C9orf153: variants seen among roughly 807,000 people sequenced by gnomAD.
C9orf153 encodes the protein uncharacterized protein C9orf153.
C9orf153 carries 10 observed loss-of-function variants against 9.0 expected under a neutral mutation model. That is an observed-to-expected ratio of 1.11 (90% confidence interval 0.69 to 1.89). The LOEUF is 1.89. Among genes scored for constraint, C9orf153 ranks in the 40% most tolerant of loss-of-function variants. The probability of loss-of-function intolerance (pLI) is 0.00; values close to 1 mark genes in which losing one functional copy is unlikely to be tolerated. For synonymous variants in C9orf153, 35 were observed against 37.3 expected (o/e 0.94, Z 0.23); for missense variants, 108 against 111.0 (o/e 0.97, Z 0.12).
At chr9:86,247,572 T>C (rs544939172) in intron 1 of C9orf153, among the ~76,000 whole-genome samples, 66 of 152,150 alleles carry the variant, frequency 4.3e-4, no homozygotes, top group East Asian at 3.9e-4. Context: ...CCCAGCTACA[T>C]GTGAGGCTAA....
intron 1 of C9orf153, among the ~76,000 whole-genome samples, chr9:86,232,480 G>C (rs1289646608): frequency 6.6e-6 from 1 of 152,116 alleles, no homozygotes; most frequent in Admixed American, 6.5e-5. Context: ...TGAAGCTTTT[G>C]CAGGGGACTG....
At chr9:86,224,124 C>T (rs1007524352) in intron 3 of C9orf153, among the ~76,000 whole-genome samples, 6 of 152,104 alleles carry the variant, frequency 3.9e-5, no homozygotes, top group Admixed American at 1.3e-4. Flanking sequence ...CAGTGGCTCA[C>T]GCCTGTAATC....
chr9:86,255,235 A>G (rs2131210224), intron 1 of C9orf153, among the ~76,000 whole-genome samples: 1 of 152,264 alleles, frequency 6.6e-6, no homozygotes, highest in East Asian at 1.9e-4. Flanking sequence ...GGCTTTTAAT[A>G]TGTGAAAGTT....
At chr9:86,242,802 C>T (rs1326597875) in intron 1 of C9orf153, among the ~76,000 whole-genome samples, 2 of 152,076 alleles carry the variant, frequency 1.3e-5, no homozygotes, top group Non-Finnish European at 2.9e-5. Context: ...CCTCAGTCTC[C>T]TGAGTAGCTG....
intron 3 of C9orf153, among the ~76,000 whole-genome samples, chr9:86,223,889 G>GTC (rs1824260154): frequency 6.6e-6 from 1 of 152,170 alleles, no homozygotes; most frequent in African/African-American, 2.4e-5. Flanking sequence ...ACAGAGAGTG[G>GTC]AATCACGGTC....
intron 3 of C9orf153, among the ~76,000 whole-genome samples, chr9:86,222,848 G>A (rs1824237087): frequency 6.6e-6 from 1 of 152,156 alleles, no homozygotes; most frequent in Admixed American, 6.5e-5. Context: ...TGTCCCACAT[G>A]TGGTGACATT....
intron 1 of C9orf153, among the ~76,000 whole-genome samples, chr9:86,242,981 G>A (rs1036186693): frequency 7.2e-5 from 11 of 152,124 alleles, no homozygotes; most frequent in South Asian, 2.1e-4. Context: ...GCCCAGCCCC[G>A]CAGGCCACTT....
In C9orf153 at chr9:86,228,060, C is replaced by G. The variant is rs569742966; in HGVS notation, c.67-30G>C. On this transcript the variant is annotated intron_variant, in intron 2 of 3. Coordinates refer to ENST00000339137, the MANE Select transcript of C9orf153 (RefSeq NM_001276366.4). ...GGACAAAAAAAAAAGTGGTAAGTCA[C>G]GAGACTGACAAAAATGTAATATTCT... 14 of 1,506,516 alleles carry G rather than the reference C, an allele frequency of 9.3e-6. No individual in the cohort carries two copies. The East Asian group carries it at 2.3e-4, about 25-fold the overall frequency. 93.3% of individuals were successfully genotyped at this position (1,506,516 alleles called of 1,614,324 possible). A position where few individuals can be genotyped will look rare whatever the true frequency, so the allele number is the denominator to read the frequency against.
At chr9:86,245,393 C>T (rs1180303109) in intron 1 of C9orf153, among the ~76,000 whole-genome samples, 1 of 152,064 alleles carries the variant, frequency 6.6e-6, no homozygotes, top group Non-Finnish European at 1.5e-5. Flanking sequence ...AACCTTATAC[C>T]CACTGAAAAA....
chr9:86,254,418 G>A (rs1024172031), intron 1 of C9orf153, among the ~76,000 whole-genome samples: 3 of 152,056 alleles, frequency 2.0e-5, no homozygotes, highest in Admixed American at 2.0e-4. Context: ...TAAACAATCT[G>A]GTATAAACTT....
At chr9:86,233,664 G>T (rs1227602465) in intron 1 of C9orf153, among the ~76,000 whole-genome samples, 1 of 151,320 alleles carries the variant, frequency 6.6e-6, no homozygotes, top group Admixed American at 6.6e-5. Context: ...TGATCCACCT[G>T]CCCTGGCCTC....
intron 1 of C9orf153, among the ~76,000 whole-genome samples, chr9:86,249,663 C>T (rs1315771553): frequency 2.0e-5 from 3 of 152,050 alleles, no homozygotes; most frequent in Non-Finnish European, 4.4e-5. Flanking sequence ...ATTCTTCTGC[C>T]TCAGCCTCCT....
At chr9:86,254,270 C>T (rs748432075) in intron 1 of C9orf153, among the ~76,000 whole-genome samples, 12 of 152,064 alleles carry the variant, frequency 7.9e-5, no homozygotes, top group Non-Finnish European at 1.2e-4. Context: ...TATTTGCCTC[C>T]GGTTTGGACT....
At chr9:86,221,850 C>A (rs1388988009) in intron 3 of C9orf153, 117 bp from the exon 4 acceptor site, 4 of 560,724 alleles carry the variant, frequency 7.1e-6, no homozygotes, top group Non-Finnish European at 1.2e-5. Flanking sequence ...CTCTTTCTGG[C>A]AGAAAGCCAT....
chr9:86,221,143 T>A lies in C9orf153; in HGVS notation c.*545A>T, dbSNP rs1824191451. 6.6e-6 allele frequency: 1 copy of A among 150,470 alleles called. No homozygotes were observed. The highest frequency in any genetic ancestry group is 2.5e-5 in the African/African-American group (1 of 39,756). The allele number at this position is 150,470 out of a possible 1,614,324, so 9.3% of individuals were successfully genotyped here. ...ATCTCTATATGCTCAGATGTTAATTTGTTTGTTGAATGTACCAAATACTTT... is the reference window on the plus strand; with the variant it reads ...ATCTCTATATGCTCAGATGTTAATTAGTTTGTTGAATGTACCAAATACTTT... On this transcript the variant is annotated 3_prime_UTR_variant, in exon 4 of 4. Transcript: ENST00000339137.
chr9:86,259,318 G>C (rs192346295), intron 1 of C9orf153, among the ~76,000 whole-genome samples: 4 of 152,080 alleles, frequency 2.6e-5, no homozygotes, highest in African/African-American at 9.7e-5. Context: ...TGCAGGCTCG[G>C]CCCGATCAAC....
In C9orf153 at chr9:86,221,411, A is replaced by G. The variant is rs1206059864; in HGVS notation, c.*277T>C. ...TGTACACACTCACTTCAGATGTTCT[A>G]TTGGGTACTTGGCTTCTTTACTTTT... On this transcript the variant is annotated 3_prime_UTR_variant, in exon 4 of 4. Coordinates refer to ENST00000339137, the MANE Select transcript of C9orf153 (RefSeq NM_001276366.4). 6 of 524,846 alleles carry G rather than the reference A, an allele frequency of 1.1e-5. No homozygotes were observed. Among genetic ancestry groups the G allele is most frequent in the Non-Finnish European group, 1.8e-5 (6 of 342,532 alleles). The allele number at this position is 524,846 out of a possible 1,614,324, so 32.5% of individuals were successfully genotyped here.
chr9:86,253,342 G>T (rs1564004695), intron 1 of C9orf153, among the ~76,000 whole-genome samples: 2 of 152,272 alleles, frequency 1.3e-5, no homozygotes, highest in Middle Eastern at 3.4e-3. Context: ...TCCTGAACTT[G>T]CAATAAGTAA....
intron 1 of C9orf153, among the ~76,000 whole-genome samples, chr9:86,245,953 C>T (rs905605848): frequency 1.3e-5 from 2 of 152,186 alleles, no homozygotes; most frequent in African/African-American, 4.8e-5. Flanking sequence ...GTCAGTTTGT[C>T]AGTTTCCACA....
Sources: allele counts gnomAD v4.1 joint callset (sites outside exome capture counted in the v4.1 genomes callset), GRCh38; gene constraint gnomAD v4.1.1; transcripts MANE v1.5; gene names NCBI Gene and HGNC (gene_info 2026-07-23, HGNC 2026-07-21).